Variants in CEP112 observed in about 807,000 individuals in gnomAD.
CEP112 encodes centrosomal protein of 112 kDa.
In CEP112, 127 loss-of-function variants were observed where a neutral mutation model predicts 153.0. That is an observed-to-expected ratio of 0.83 (90% CI 0.72 to 0.96). CEP112 has a LOEUF of 0.96. Ranked by LOEUF, CEP112 falls within the 40% of genes least tolerant of loss-of-function variation. The pLI, the probability that CEP112 is intolerant of heterozygous loss-of-function variation, is 0.00. For synonymous variants in CEP112, 358 were observed against 374.4 expected (o/e 0.96, Z 0.51); for missense variants, 1,089 against 1,101.2 (o/e 0.99, Z 0.16).
chr17:66,133,065 C>A (rs1598414083), intron 4 of CEP112, among the ~76,000 whole-genome samples: 1 of 148,514 alleles, frequency 6.7e-6, no homozygotes, highest in Non-Finnish European at 1.5e-5. Context: ...ACAAAAAACA[C>A]ACAAAAAATG....
intron 2 of CEP112, among the ~76,000 whole-genome samples, chr17:66,181,184 T>A (rs1366356040): frequency 6.6e-6 from 1 of 152,222 alleles, no homozygotes; most frequent in African/African-American, 2.4e-5. Context: ...AAGTTGAATT[T>A]AGCAATAAGA....
intron 18 of CEP112, among the ~76,000 whole-genome samples, chr17:65,954,148 C>T (rs2061929933): frequency 1.3e-5 from 2 of 152,182 alleles, no homozygotes; most frequent in African/African-American, 2.4e-5. Context: ...TCCATGGCTA[C>T]AAGACGTAAA....
chr17:65,999,464 G>A (rs1436277257), intron 17 of CEP112, among the ~76,000 whole-genome samples: 1 of 152,040 alleles, frequency 6.6e-6, no homozygotes, highest in Non-Finnish European at 1.5e-5. Flanking sequence ...GCCTCCCAAA[G>A]TGCTGGGATT....
rs9916234 is a variant in CEP112, at chr17:66,088,339, G to A, written c.768+7912C>T. ...CTCTGGACTCACCACATTGCCAGGC[G>A]GGCCCAGTGACCTTGGGCTCCAGAC... On this transcript the variant is annotated intron_variant, in intron 8 of 26. Transcript: ENST00000535342. Among the ~76,000 whole-genome samples, 942 of 152,108 alleles carry A rather than the reference G, an allele frequency of 6.2e-3. 9 individuals are homozygous for A. The highest frequency in any genetic ancestry group is 0.022 in the African/African-American group (902 of 41,480).
intron 8 of CEP112, among the ~76,000 whole-genome samples, chr17:66,086,800 T>C (rs1448890010): frequency 6.6e-6 from 1 of 152,198 alleles, no homozygotes; most frequent in Non-Finnish European, 1.5e-5. Context: ...GTGTTGATTC[T>C]ATAGGTGATT....
intron 21 of CEP112, among the ~76,000 whole-genome samples, chr17:65,769,716 A>C (rs1352798414): frequency 6.6e-6 from 1 of 152,174 alleles, no homozygotes; most frequent in Admixed American, 6.6e-5. Context: ...TTCTACATGT[A>C]AAAGAATAAA....
chr17:66,189,030 T>A (rs1238104431), intron 1 of CEP112, among the ~76,000 whole-genome samples: 1 of 152,170 alleles, frequency 6.6e-6, no homozygotes, highest in Non-Finnish European at 1.5e-5. Context: ...TCCTTTGACA[T>A]GGGCAGGAAA....
At chr17:65,757,989 A>AGGGAACCACAATTT (rs1301975030) in intron 21 of CEP112, among the ~76,000 whole-genome samples, 2 of 152,150 alleles carry the variant, frequency 1.3e-5, no homozygotes, top group African/African-American at 4.8e-5. Flanking sequence ...ACAGAAGAGG[A>AGGGAACCACAATTT]GGGAACCACA....
chr17:65,871,953 A>G (rs887935855), intron 20 of CEP112, among the ~76,000 whole-genome samples: 105 of 152,264 alleles, frequency 6.9e-4, no homozygotes, highest in African/African-American at 2.4e-3. Flanking sequence ...GCAACAATCA[A>G]TTTACTATAA....
intron 24 of CEP112, among the ~76,000 whole-genome samples, chr17:65,649,122 TATCA>T (rs1320682597): frequency 2.2e-5 from 3 of 137,890 alleles, no homozygotes; most frequent in Non-Finnish European, 5.0e-5. Context: ...ACACACACTG[TATCA>T]ACCAATCATG....
intron 23 of CEP112, among the ~76,000 whole-genome samples, chr17:65,717,021 G>A (rs1267420151): frequency 6.6e-6 from 1 of 152,192 alleles, no homozygotes; most frequent in Non-Finnish European, 1.5e-5. Flanking sequence ...CCAGGAGTCT[G>A]TAAACAATGG....
At chr17:65,794,124 T>C (rs2054760235) in intron 21 of CEP112, among the ~76,000 whole-genome samples, 1 of 152,190 alleles carries the variant, frequency 6.6e-6, no homozygotes, top group Non-Finnish European at 1.5e-5. Flanking sequence ...ATTTCTGTTG[T>C]CATAGAAGTT....
At chr17:65,776,591 T>C (rs2053695257) in intron 21 of CEP112, among the ~76,000 whole-genome samples, 1 of 152,232 alleles carries the variant, frequency 6.6e-6, no homozygotes, top group African/African-American at 2.4e-5. Flanking sequence ...TGACAGGAGA[T>C]AGCATGACTT....
chr17:66,185,881 G>A (rs575166288), intron 1 of CEP112, among the ~76,000 whole-genome samples: 1 of 152,156 alleles, frequency 6.6e-6, no homozygotes, highest in African/African-American at 2.4e-5. Flanking sequence ...ATTATCAAAT[G>A]GTTTCCATCA....
At chr17:66,186,064 G>C (rs1042564921) in intron 1 of CEP112, among the ~76,000 whole-genome samples, 4 of 150,804 alleles carry the variant, frequency 2.7e-5, no homozygotes, top group Non-Finnish European at 5.9e-5. Context: ...GCTCTCTCAT[G>C]CATCCTCTGT....
intron 12 of CEP112, among the ~76,000 whole-genome samples, chr17:66,047,726 CTT>C (rs1438494892): frequency 6.6e-6 from 1 of 152,110 alleles, no homozygotes; most frequent in African/African-American, 2.4e-5. Flanking sequence ...ATTCTTGAGT[CTT>C]TTCTACAGCA....
chr17:66,153,061 G>C (rs971240031), intron 4 of CEP112, among the ~76,000 whole-genome samples: 2 of 152,136 alleles, frequency 1.3e-5, no homozygotes, highest in Non-Finnish European at 2.9e-5. Context: ...GAAGAGACGA[G>C]AATACTCATG....
intron 21 of CEP112, among the ~76,000 whole-genome samples, chr17:65,841,746 T>C (rs770264354): frequency 6.6e-6 from 1 of 152,028 alleles, no homozygotes; most frequent in Non-Finnish European, 1.5e-5. Context: ...TGTATAAAAA[T>C]CTCACATACA....
At chr17:66,009,051 T>C in intron 16 of CEP112, among the ~76,000 whole-genome samples, 1 of 152,100 alleles carries the variant, frequency 6.6e-6, no homozygotes, top group Non-Finnish European at 1.5e-5. Context: ...AACCCAGAAG[T>C]GGAAATTGCT....
Sources: gnomAD v4.1 joint callset for allele counts (sites outside exome capture counted in the v4.1 genomes callset) on GRCh38, gnomAD v4.1.1 for gene constraint, MANE v1.5 for transcripts, NCBI Gene and HGNC (gene_info 2026-07-23, HGNC 2026-07-21) for gene names.